PPM1L: variants seen among roughly 807,000 people sequenced by gnomAD.
PPM1L encodes the protein protein phosphatase 1L.
A neutral mutation model predicts 31.4 loss-of-function variants in PPM1L; 13 were observed. That is an observed-to-expected ratio of 0.41 (90% CI 0.27 to 0.66). PPM1L has a LOEUF of 0.66. Ranked by LOEUF, PPM1L falls within the 30% of genes least tolerant of loss-of-function variation. PPM1L has a pLI of 0.29. For missense variants in PPM1L, 326 were observed against 453.7 expected, an observed-to-expected ratio of 0.72 and a Z score of 2.56; for synonymous variants, 184 against 175.4, an observed-to-expected ratio of 1.05 and a Z score of -0.39.
intron 1 of PPM1L, among the ~76,000 whole-genome samples, chr3:160,828,735 A>G (rs1713426050): frequency 1.3e-5 from 2 of 151,842 alleles, no homozygotes; most frequent in Admixed American, 1.3e-4. Flanking sequence ...ATTTCCTTAG[A>G]CTCCATAACC....
chr3:160,847,520 A>C (rs1428800571), intron 1 of PPM1L, among the ~76,000 whole-genome samples: 1 of 152,188 alleles, frequency 6.6e-6, no homozygotes, highest in Non-Finnish European at 1.5e-5. Context: ...TTGTGATCTC[A>C]ACTGGTAAGT....
intron 2 of PPM1L, among the ~76,000 whole-genome samples, chr3:161,006,402 G>T (rs35886507): frequency 5.9e-5 from 9 of 152,110 alleles, no homozygotes; most frequent in Non-Finnish European, 8.8e-5. Context: ...TCAGTTTTGG[G>T]AGATGAAAAA....
intron 1 of PPM1L, among the ~76,000 whole-genome samples, chr3:160,862,885 A>G (rs891757735): frequency 2.0e-5 from 3 of 152,128 alleles, no homozygotes; most frequent in African/African-American, 7.2e-5. Context: ...TCTCAGTTTA[A>G]TTTTCCTTTT....
chr3:160,961,637 C>G, intron 1 of PPM1L, 99 bp from the exon 2 acceptor site: 1 of 1,027,962 alleles, frequency 9.7e-7, no homozygotes, highest in South Asian at 2.1e-5. Context: ...GTTGGTTTCA[C>G]AGTGCTTTGA....
At position 160,792,684 on chromosome 3, in the gene PPM1L, G is replaced by T. The variant is rs577744491; in HGVS notation, c.399+35977G>T. 5.9e-5 allele frequency among the ~76,000 whole-genome samples: 9 copies of T among 152,286 alleles called. No homozygotes were observed. The South Asian group carries it at 1.9e-3, about 32-fold the overall frequency. ...TCAGATACCAGCTGCAAACTCTGGG[G>T]TTCCCAGACTATCCAGACTATCTAT... On this transcript the variant is annotated intron_variant, in intron 1 of 3. Coordinates refer to ENST00000498165, the MANE Select transcript of PPM1L (RefSeq NM_139245.4).
intron 1 of PPM1L, among the ~76,000 whole-genome samples, chr3:160,849,176 T>C (rs1281015951): frequency 2.0e-5 from 3 of 152,182 alleles, no homozygotes; most frequent in Non-Finnish European, 4.4e-5. Flanking sequence ...TGTCTTTTTT[T>C]CACAGCTACA....
At chr3:161,066,737 G>A (rs1719752696) in intron 3 of PPM1L, among the ~76,000 whole-genome samples, 1 of 152,180 alleles carries the variant, frequency 6.6e-6, no homozygotes, top group African/African-American at 2.4e-5. Flanking sequence ...ATCTGACCAG[G>A]ATGGGCCCTT....
intron 1 of PPM1L, among the ~76,000 whole-genome samples, chr3:160,856,873 TCTCC>T: frequency 6.6e-6 from 1 of 152,308 alleles, no homozygotes; most frequent in East Asian, 1.9e-4. Context: ...ATTTAATTCT[TCTCC>T]CTATTTATTT....
rs147959538 is a variant in PPM1L at position 160,818,920 on chromosome 3, A to G, written c.399+62213A>G. Among the ~76,000 whole-genome samples, 424 of 151,990 alleles carry G rather than the reference A, an allele frequency of 2.8e-3. 2 individuals carry two copies. The highest frequency in any genetic ancestry group is 9.3e-3 in the African/African-American group (385 of 41,506). On this transcript the variant is annotated intron_variant, in intron 1 of 3. Transcript: ENST00000498165. ...TATTTATTTATTTTTTTACTTGTGC[A>G]TGGTTCTAACTTCTGTTGCCCTGTC...
chr3:160,838,447 T>C lies in PPM1L; in HGVS notation c.399+81740T>C, dbSNP rs187370212. Reference sequence around the variant, plus strand: ...GAAACATAGCATGTTTAAAGGAAAATCTGTATTGAATTTCAGCCTGTTATT... The same window carrying C: ...GAAACATAGCATGTTTAAAGGAAAACCTGTATTGAATTTCAGCCTGTTATT... On this transcript the variant is annotated intron_variant, in intron 1 of 3. Transcript: ENST00000498165. Among the ~76,000 whole-genome samples the C allele has an allele frequency of 5.8e-3, 879 of 152,162 alleles. 19 individuals are homozygous for C. Among genetic ancestry groups the C allele is most frequent in the Admixed American group, 0.05 (759 of 15,280 alleles).
At chr3:160,989,457 T>A (rs898689832) in intron 2 of PPM1L, among the ~76,000 whole-genome samples, 1 of 151,486 alleles carries the variant, frequency 6.6e-6, no homozygotes, top group African/African-American at 2.4e-5. Context: ...CAGGCTGGAG[T>A]GCAATGCTGC....
chr3:160,858,555 T>C lies in PPM1L; in HGVS notation c.399+101848T>C, dbSNP rs189519674. 2.2e-3 allele frequency among the ~76,000 whole-genome samples: 336 copies of C among 152,314 alleles called. 2 individuals are homozygous for C. The highest frequency in any genetic ancestry group is 7.7e-3 in the African/African-American group (320 of 41,570). On this transcript the variant is annotated intron_variant, in intron 1 of 3. Coordinates refer to ENST00000498165, the MANE Select transcript of PPM1L (RefSeq NM_139245.4). ...GTGCAGTGAATCACAATAAATCTTA[T>C]TTCCTTATTTTTATATTTGTTTTTA...
chr3:160,768,123 T>C (rs1443530978), intron 1 of PPM1L, among the ~76,000 whole-genome samples: 1 of 152,204 alleles, frequency 6.6e-6, no homozygotes, highest in East Asian at 1.9e-4. Flanking sequence ...TTAAGAAGTT[T>C]TTACTTCTGG....
intron 1 of PPM1L, among the ~76,000 whole-genome samples, chr3:160,896,948 GTGTGTCTTTCC>G: frequency 6.6e-6 from 1 of 151,972 alleles, no homozygotes; most frequent in East Asian, 1.9e-4. Context: ...TAGATTTAGT[GTGTGTCTTTCC>G]TTTGACTGTT....
chr3:161,075,417 G>T lies in PPM1L; in HGVS notation c.*6260G>T, dbSNP rs202190790. The T allele has an allele frequency of 2.6e-5, 4 of 152,238 alleles. No individual in the cohort carries two copies. The East Asian group carries it at 5.8e-4, about 22-fold the overall frequency. The allele number at this position is 152,238 out of a possible 1,614,324, so 9.4% of individuals were successfully genotyped here. A position where few individuals can be genotyped will look rare whatever the true frequency, so the allele number is the denominator to read the frequency against. On this transcript the variant is annotated 3_prime_UTR_variant, in exon 4 of 4. Coordinates refer to ENST00000498165, the MANE Select transcript of PPM1L (RefSeq NM_139245.4). ...GCACATAGATGAAGAAAAGGCAGTT[G>T]TTACCACTTTTCACCATTCAAAAAA... is the stretch of plus-strand genomic sequence containing the variant.
At chr3:161,037,507 C>A (rs1283042826) in intron 2 of PPM1L, among the ~76,000 whole-genome samples, 1 of 150,670 alleles carries the variant, frequency 6.6e-6, no homozygotes, top group East Asian at 1.9e-4. Context: ...CTCCACCTCC[C>A]AGGTTCAAGT....
chr3:160,986,520 C>A (rs1716970400), intron 2 of PPM1L, among the ~76,000 whole-genome samples: 1 of 152,154 alleles, frequency 6.6e-6, no homozygotes, highest in Non-Finnish European at 1.5e-5. Context: ...AAAGAGTTAA[C>A]CACTACCACT....
At chr3:160,869,950 G>A (rs1011439786) in intron 1 of PPM1L, among the ~76,000 whole-genome samples, 1 of 152,234 alleles carries the variant, frequency 6.6e-6, no homozygotes, top group Admixed American at 6.5e-5. Flanking sequence ...CTAGAATCAC[G>A]TGCTGCCCTC....
intron 1 of PPM1L, among the ~76,000 whole-genome samples, chr3:160,785,064 G>A (rs981904650): frequency 2.0e-5 from 3 of 152,148 alleles, no homozygotes; most frequent in African/African-American, 7.2e-5. Context: ...TAGCACTGGG[G>A]AGTGTGTTTA....
Sources: gnomAD v4.1 joint callset for allele counts (sites outside exome capture counted in the v4.1 genomes callset) on GRCh38, gnomAD v4.1.1 for gene constraint, MANE v1.5 for transcripts, NCBI Gene and HGNC (gene_info 2026-07-23, HGNC 2026-07-21) for gene names.